TRMT10B: variants seen among roughly 807,000 people sequenced by gnomAD.
TRMT10B encodes tRNA methyltransferase 10B.
In TRMT10B, 33 loss-of-function variants were observed where a neutral mutation model predicts 43.8. That is an observed-to-expected ratio of 0.75 (90% CI 0.57 to 1.01). TRMT10B has a LOEUF of 1.01. Among genes scored for constraint, TRMT10B ranks in the 50% least tolerant of loss-of-function variants. The pLI is 0.00. For missense variants in TRMT10B, 362 were observed against 369.8 expected, an observed-to-expected ratio of 0.98 and a Z score of 0.17; for synonymous variants, 137 against 130.6, an observed-to-expected ratio of 1.05 and a Z score of -0.34.
At chr9:37,754,063 C>T (rs1825306669) in intron 1 of TRMT10B, among the ~76,000 whole-genome samples, 1 of 152,244 alleles carries the variant, frequency 6.6e-6, no homozygotes, top group South Asian at 2.1e-4. Context: ...GGGGTGCTCT[C>T]AGGCTGAATT....
chr9:37,771,552 TC>T (rs931255767), intron 7 of TRMT10B, among the ~76,000 whole-genome samples: 1 of 152,202 alleles, frequency 6.6e-6, no homozygotes, highest in African/African-American at 2.4e-5. Context: ...ATATTAGTGT[TC>T]CATGACTCCA....
intron 1 of TRMT10B, among the ~76,000 whole-genome samples, chr9:37,756,428 T>G (rs910100467): frequency 1.3e-5 from 2 of 150,514 alleles, no homozygotes; most frequent in African/African-American, 4.9e-5. Context: ...AAAAAATGGC[T>G]GGGTGCGGTG....
chr9:37,759,847 C>T (rs570402028), intron 1 of TRMT10B, among the ~76,000 whole-genome samples: 3 of 152,084 alleles, frequency 2.0e-5, no homozygotes, highest in African/African-American at 7.2e-5. Context: ...GTGATGGAAA[C>T]GTTCCATATC....
chr9:37,754,220 A>C (rs182129597), intron 1 of TRMT10B, among the ~76,000 whole-genome samples: 1 of 152,326 alleles, frequency 6.6e-6, no homozygotes, highest in Non-Finnish European at 1.5e-5. Flanking sequence ...TCTATAAGCA[A>C]ACAACACTTG....
upstream of TRMT10B, among the ~76,000 whole-genome samples, chr9:37,753,119 C>T (rs770823213): frequency 4.5e-4 from 69 of 151,962 alleles, 1 homozygote; most frequent in Non-Finnish European, 7.5e-4. Context: ...ATTTAACACT[C>T]ATTGCGAAGA....
At position 37,778,685 on chromosome 9, in the gene TRMT10B, C is replaced by T. The variant is rs1444603624; in HGVS notation, c.*978C>T. The T allele has an allele frequency of 6.6e-6, 1 of 152,160 alleles. No homozygotes were observed. The highest frequency in any genetic ancestry group is 1.5e-5 in the Non-Finnish European group (1 of 68,030). The allele number at this position is 152,160 out of a possible 1,614,324, so 9.4% of individuals were successfully genotyped here. A position where few individuals can be genotyped will look rare whatever the true frequency, so the allele number is the denominator to read the frequency against. On this transcript the variant is annotated 3_prime_UTR_variant, in exon 9 of 9. Transcript: ENST00000297994. Reference sequence around the variant, plus strand: ...ATAAAATTGTATGACTTTCTCCAGCCTTGTCTGATCATGCTCGTTGTTGCC... The same window carrying T: ...ATAAAATTGTATGACTTTCTCCAGCTTTGTCTGATCATGCTCGTTGTTGCC...
intron 7 of TRMT10B, among the ~76,000 whole-genome samples, 175 bp from the exon 8 acceptor site, chr9:37,776,107 G>C (rs1015979922): frequency 1.3e-5 from 2 of 152,130 alleles, no homozygotes; most frequent in Admixed American, 6.5e-5. Context: ...GAGGACTGTG[G>C]ATGAGTGACC....
At chr9:37,756,497 G>A (rs1208472824) in intron 1 of TRMT10B, among the ~76,000 whole-genome samples, 3 of 151,936 alleles carry the variant, frequency 2.0e-5, no homozygotes, top group Non-Finnish European at 4.4e-5. Context: ...ACTTGGGTCA[G>A]GAGTTTGAGA....
At chr9:37,772,381 G>A (rs1327978555) in intron 7 of TRMT10B, among the ~76,000 whole-genome samples, 2 of 151,632 alleles carry the variant, frequency 1.3e-5, no homozygotes, top group Admixed American at 1.3e-4. Flanking sequence ...CAAACTTCTG[G>A]ACTCGAGCAA....
rs1372735745 is a variant in TRMT10B, at chr9:37,768,167, C to A, written c.512C>A (p.Thr171Lys). 2 of 1,614,176 alleles carry A rather than the reference C, an allele frequency of 1.2e-6. No homozygotes were observed. Among genetic ancestry groups the A allele is most frequent in the South Asian group, 1.1e-5 (1 of 91,086 alleles). Residue 171 changes from threonine to lysine, a missense_variant, in exon 5 of 9, where the codon ACA (threonine) becomes AAA (lysine). Transcript: ENST00000297994. ...RPFWICLTGFTTDSPLYEECV... is the reference protein window; with the variant it reads ...RPFWICLTGFKTDSPLYEECV... The stretch of plus-strand genomic sequence containing the variant: ...TTTTGGATCTGCCTCACTGGATTCA[C>A]AACAGACAGTCCCCTTTATGAAGAG...
chr9:37,755,039 G>C (rs1360655645), intron 1 of TRMT10B, among the ~76,000 whole-genome samples: 2 of 152,140 alleles, frequency 1.3e-5, no homozygotes, highest in Admixed American at 6.5e-5. Flanking sequence ...GGGAGGCCCA[G>C]ACAGGTGGGT....
intron 1 of TRMT10B, among the ~76,000 whole-genome samples, chr9:37,758,540 T>C (rs529090579): frequency 1.3e-5 from 2 of 152,176 alleles, no homozygotes; most frequent in Admixed American, 6.5e-5. Context: ...AAAGGCTCAG[T>C]TGGAAAATTA....
At chr9:37,758,451 A>G (rs1267735164) in intron 1 of TRMT10B, among the ~76,000 whole-genome samples, 1 of 152,236 alleles carries the variant, frequency 6.6e-6, no homozygotes, top group African/African-American at 2.4e-5. Flanking sequence ...CAAATTTTAG[A>G]AAATACCACG....
At chr9:37,759,497 T>C (rs1467962345) in intron 1 of TRMT10B, among the ~76,000 whole-genome samples, 1 of 152,196 alleles carries the variant, frequency 6.6e-6, no homozygotes, top group Admixed American at 6.5e-5. Flanking sequence ...AAGACTGATT[T>C]GGAAAGTGGA....
At chr9:37,755,601 A>G (rs1825569987) in intron 1 of TRMT10B, among the ~76,000 whole-genome samples, 1 of 152,138 alleles carries the variant, frequency 6.6e-6, no homozygotes, top group Non-Finnish European at 1.5e-5. Flanking sequence ...ACAGAGATAC[A>G]AAGATACAAA....
chr9:37,773,422 A>G (rs1227695753), intron 7 of TRMT10B, among the ~76,000 whole-genome samples: 1 of 152,224 alleles, frequency 6.6e-6, no homozygotes. Flanking sequence ...TGTCCAGCCC[A>G]AAATATGTAT....
At chr9:37,768,401 T>C (rs1357669068) in intron 5 of TRMT10B, among the ~76,000 whole-genome samples, 173 bp downstream of exon 5, 1 of 152,222 alleles carries the variant, frequency 6.6e-6, no homozygotes, top group African/African-American at 2.4e-5. Context: ...TCCTACTGCA[T>C]TGGCAAAGTA....
chr9:37,776,984 G>A (rs527576307), intron 8 of TRMT10B, among the ~76,000 whole-genome samples: 79 of 150,132 alleles, frequency 5.3e-4, no homozygotes, highest in African/African-American at 1.8e-3. Context: ...ACCTGAGGTC[G>A]GGAGGTCGAG....
At chr9:37,769,819 T>C (rs1394145629) in intron 5 of TRMT10B, 122 bp from the exon 6 acceptor site, 3 of 785,010 alleles carry the variant, frequency 3.8e-6, no homozygotes, top group Non-Finnish European at 6.8e-6. Flanking sequence ...CCCAGTCTGG[T>C]CTCGAACTTT....
Sources: gnomAD v4.1 joint callset for allele counts (sites outside exome capture counted in the v4.1 genomes callset) on GRCh38, gnomAD v4.1.1 for gene constraint, MANE v1.5 for transcripts, NCBI Gene and HGNC (gene_info 2026-07-23, HGNC 2026-07-21) for gene names.